Variants in CFAP61 observed in about 807,000 individuals in gnomAD.
The protein encoded by CFAP61 is cilia and flagella associated protein 61, also known as cilia- and flagella-associated protein 61.
CFAP61 carries 107 observed loss-of-function variants against 135.6 expected under a neutral mutation model. The observed-to-expected ratio is 0.79, with a 90% CI of 0.67 to 0.93. The LOEUF (loss-of-function observed/expected upper bound fraction) is 0.93. Ranked by LOEUF, CFAP61 falls within the 40% of genes least tolerant of loss-of-function variation. The pLI is 0.00. For missense variants in CFAP61, 1,507 were observed against 1,556.2 expected, an observed-to-expected ratio of 0.97 and a Z score of 0.53; for synonymous variants, 575 against 578.5, an observed-to-expected ratio of 0.99 and a Z score of 0.09.
chr20:20,353,738 A>G (rs2058938114), intron 26 of CFAP61, among the ~76,000 whole-genome samples: 1 of 152,242 alleles, frequency 6.6e-6, no homozygotes. Flanking sequence ...TTAAAAAAGG[A>G]TCAACCTCAT....
In CFAP61 at chr20:20,130,854, G is replaced by A. The variant is rs536039337; in HGVS notation, c.860-12003G>A. On this transcript the variant is annotated intron_variant, in intron 8 of 26. Transcript: ENST00000245957. Reference sequence around the variant, plus strand: ...GTTACAGAGCAGAATTTCCATGGCTGAGGATGATAGTCCCACCTCCCCACT... The same window carrying A: ...GTTACAGAGCAGAATTTCCATGGCTAAGGATGATAGTCCCACCTCCCCACT... Among the ~76,000 whole-genome samples the A allele has an allele frequency of 1.3e-4, 19 of 151,968 alleles. No individual in the cohort carries two copies. The South Asian group carries it at 3.9e-3, about 31-fold the overall frequency.
intron 7 of CFAP61, among the ~76,000 whole-genome samples, chr20:20,096,566 G>A (rs1426389854): frequency 2.6e-5 from 4 of 152,246 alleles, no homozygotes; most frequent in African/African-American, 9.6e-5. Context: ...CCAGCAAAAG[G>A]TATTTCAGGC....
intron 9 of CFAP61, among the ~76,000 whole-genome samples, chr20:20,144,160 TG>T (rs2051660869): frequency 3.9e-5 from 6 of 152,146 alleles, no homozygotes; most frequent in Non-Finnish European, 7.3e-5. Flanking sequence ...CAGAATTACT[TG>T]GCACCCACCA....
At chr20:20,196,310 A>G (rs1041587058) in intron 15 of CFAP61, among the ~76,000 whole-genome samples, 2 of 152,136 alleles carry the variant, frequency 1.3e-5, no homozygotes, top group Non-Finnish European at 2.9e-5. Flanking sequence ...CTCTGAGTTG[A>G]TAGCAGCCAT....
intron 22 of CFAP61, among the ~76,000 whole-genome samples, chr20:20,281,459 G>A (rs796091204): frequency 2.0e-5 from 3 of 152,124 alleles, no homozygotes; most frequent in African/African-American, 7.2e-5. Context: ...TATCATGAAC[G>A]GCTGTTGAAT....
intron 20 of CFAP61, 61 bp from the exon 21 acceptor site, chr20:20,262,895 T>TA (rs1555936223): frequency 9.3e-7 from 1 of 1,077,222 alleles, no homozygotes; most frequent in Non-Finnish European, 1.3e-6. Context: ...TTTTTTTTTT[T>TA]AACCACTGTC....
chr20:20,343,865 A>C (rs1325216286), intron 26 of CFAP61, among the ~76,000 whole-genome samples: 1 of 152,194 alleles, frequency 6.6e-6, no homozygotes, highest in African/African-American at 2.4e-5. Flanking sequence ...CATACAACTC[A>C]CTGAGATACC....
chr20:20,077,876 T>C (rs1427787347), intron 6 of CFAP61, among the ~76,000 whole-genome samples: 2 of 152,228 alleles, frequency 1.3e-5, no homozygotes, highest in Non-Finnish European at 2.9e-5. Context: ...TCAGAGAGAA[T>C]AGATTGTAAA....
At chr20:20,299,944 GAT>G (rs2055948125) in intron 25 of CFAP61, among the ~76,000 whole-genome samples, 1 of 152,198 alleles carries the variant, frequency 6.6e-6, no homozygotes, top group Non-Finnish European at 1.5e-5. Context: ...TTTACTAGTT[GAT>G]GCCCAAATGT....
chr20:20,224,772 G>A (rs1668996669), intron 17 of CFAP61, among the ~76,000 whole-genome samples: 1 of 152,212 alleles, frequency 6.6e-6, no homozygotes, highest in Admixed American at 6.5e-5. Flanking sequence ...TTGAAAGGAT[G>A]TGGAGGTAAG....
At chr20:20,207,384 G>GA (rs570048812) in intron 17 of CFAP61, among the ~76,000 whole-genome samples, 27 of 152,010 alleles carry the variant, frequency 1.8e-4, no homozygotes, top group Admixed American at 8.5e-4. Context: ...CCAGTAGGGG[G>GA]AAAAAAAATG....
At chr20:20,275,358 G>T (rs993271816) in intron 21 of CFAP61, among the ~76,000 whole-genome samples, 1 of 152,300 alleles carries the variant, frequency 6.6e-6, no homozygotes, top group Non-Finnish European at 1.5e-5. Flanking sequence ...TAAGATAACC[G>T]AAGTCTCATA....
intron 2 of CFAP61, among the ~76,000 whole-genome samples, chr20:20,061,314 T>G (rs1264110368): frequency 6.6e-6 from 1 of 152,084 alleles, no homozygotes; most frequent in African/African-American, 2.4e-5. Flanking sequence ...AAAATAAATT[T>G]TACTATATCA....
intron 6 of CFAP61, among the ~76,000 whole-genome samples, chr20:20,079,576 A>G (rs554557333): frequency 1.3e-5 from 2 of 152,108 alleles, no homozygotes; most frequent in Admixed American, 1.3e-4. Flanking sequence ...CGTTTTTCCT[A>G]TCCACGTGGA....
At chr20:20,092,906 T>C (rs1345891078) in intron 7 of CFAP61, among the ~76,000 whole-genome samples, 1 of 152,200 alleles carries the variant, frequency 6.6e-6, no homozygotes, top group Non-Finnish European at 1.5e-5. Flanking sequence ...TAAAATGCTG[T>C]GGCCATTTTG....
intron 24 of CFAP61, among the ~76,000 whole-genome samples, chr20:20,296,320 T>TTCCCTTCCTTCCC (rs1377580319): frequency 9.1e-5 from 5 of 54,716 alleles, no homozygotes; most frequent in African/African-American, 5.5e-4. Flanking sequence ...CCTTCCCTCC[T>TTCCCTTCCTTCCC]TCCTTCCCTT....
chr20:20,235,017 A>G (rs2049469127), intron 18 of CFAP61, among the ~76,000 whole-genome samples: 1 of 152,092 alleles, frequency 6.6e-6, no homozygotes, highest in Non-Finnish European at 1.5e-5. Context: ...TCCCCATGGA[A>G]GCCTGCATTG....
chr20:20,125,836 T>C (rs751629326), intron 8 of CFAP61, among the ~76,000 whole-genome samples: 5 of 151,812 alleles, frequency 3.3e-5, no homozygotes, highest in Non-Finnish European at 5.9e-5. Flanking sequence ...CCACTATTAT[T>C]GTGTTGCTGT....
chr20:20,121,110 T>TC (rs1219635278), intron 8 of CFAP61, among the ~76,000 whole-genome samples: 1 of 145,462 alleles, frequency 6.9e-6, no homozygotes, highest in Non-Finnish European at 1.5e-5. Flanking sequence ...TTACTTTTTT[T>TC]TTTTTTTTTT....
Sources: gnomAD v4.1 joint callset for allele counts (sites outside exome capture counted in the v4.1 genomes callset) on GRCh38, gnomAD v4.1.1 for gene constraint, MANE v1.5 for transcripts, NCBI Gene and HGNC (gene_info 2026-07-23, HGNC 2026-07-21) for gene names.